Variants in CDK8 observed in about 807,000 individuals in gnomAD.
The protein encoded by CDK8 is cyclin dependent kinase 8, also known as cyclin-dependent kinase 8.
A neutral mutation model predicts 71.5 loss-of-function variants in CDK8; 29 were observed. The ratio of observed to expected loss-of-function variants is 0.41; its 90% CI spans 0.30 to 0.55. CDK8 has a LOEUF of 0.55. Ranked by LOEUF, CDK8 falls within the 20% of genes least tolerant of loss-of-function variation. The pLI is 0.37. For missense variants in CDK8, 288 were observed against 572.6 expected, an observed-to-expected ratio of 0.50 and a Z score of 5.07; for synonymous variants, 161 against 192.1, an observed-to-expected ratio of 0.84 and a Z score of 1.34.
intron 3 of CDK8, among the ~76,000 whole-genome samples, chr13:26,350,003 G>T (rs1009863928): frequency 1.3e-5 from 2 of 152,058 alleles, no homozygotes; most frequent in Non-Finnish European, 2.9e-5. Flanking sequence ...TGTCACAATT[G>T]CCTTCCTTAT....
intron 12 of CDK8, among the ~76,000 whole-genome samples, chr13:26,403,563 T>G (rs1288558924): frequency 6.6e-6 from 1 of 152,146 alleles, no homozygotes; most frequent in Admixed American, 6.5e-5. Flanking sequence ...GTCATGTGTG[T>G]GGGGGTGAGT....
intron 1 of CDK8, among the ~76,000 whole-genome samples, chr13:26,275,788 A>T (rs1312150042): frequency 2.6e-5 from 4 of 152,184 alleles, no homozygotes; most frequent in African/African-American, 9.6e-5. Flanking sequence ...GCTGTCTTAG[A>T]TATTCATGTT....
Position 26,404,866 on chromosome 13 carries a change from G to T in CDK8, c.*785G>T. 1 of 214,114 alleles carries T rather than the reference G, an allele frequency of 4.7e-6. No homozygotes were observed. The highest frequency in any genetic ancestry group is 9.4e-6 in the Non-Finnish European group (1 of 106,200). 13.3% of individuals were successfully genotyped at this position (214,114 alleles called of 1,614,324 possible). A position where few individuals can be genotyped will look rare whatever the true frequency, so the allele number is the denominator to read the frequency against. On this transcript the variant is annotated 3_prime_UTR_variant, in exon 13 of 13. Transcript: ENST00000381527. ...TCATAGACAGTGTTTTATTTTTCCTGTTGGTGTTGCTGATTTGTGAGCATG... is the reference window on the plus strand; with the variant it reads ...TCATAGACAGTGTTTTATTTTTCCTTTTGGTGTTGCTGATTTGTGAGCATG...
At chr13:26,305,854 T>C (rs1434743546) in intron 1 of CDK8, among the ~76,000 whole-genome samples, 1 of 152,212 alleles carries the variant, frequency 6.6e-6, no homozygotes, top group Non-Finnish European at 1.5e-5. Flanking sequence ...CTTTATCACA[T>C]TGAATATTGT....
chr13:26,390,394 T>C (rs982838335), intron 6 of CDK8, among the ~76,000 whole-genome samples: 1 of 152,222 alleles, frequency 6.6e-6, no homozygotes, highest in Non-Finnish European at 1.5e-5. Context: ...ATTGTAGTGC[T>C]GTGCTGGTTT....
intron 1 of CDK8, among the ~76,000 whole-genome samples, chr13:26,268,432 C>T (rs1872140892): frequency 6.6e-6 from 1 of 152,168 alleles, no homozygotes; most frequent in African/African-American, 2.4e-5. Context: ...TCTCCCACCT[C>T]AGCCTCCTGA....
At chr13:26,400,289 C>A (rs1004816951) in intron 9 of CDK8, 164 bp from the exon 10 acceptor site, 20 of 587,564 alleles carry the variant, frequency 3.4e-5, no homozygotes, top group Non-Finnish European at 5.5e-5. Context: ...GTGTGAATTA[C>A]TACATTAAAT....
chr13:26,369,073 C>T lies in CDK8; in HGVS notation c.457-13741C>T, dbSNP rs536621753. Among the ~76,000 whole-genome samples, 6 of 152,060 alleles carry T rather than the reference C, an allele frequency of 3.9e-5. No homozygotes were observed. In the South Asian group the frequency reaches 1.2e-3, roughly 32 times the overall value. Reference sequence around the variant, plus strand: ...GTTTTGTTATCATGATTTTATTAGCCTCAGAAGACGCTTTTAGTCTCTGGA... The same window carrying T: ...GTTTTGTTATCATGATTTTATTAGCTTCAGAAGACGCTTTTAGTCTCTGGA... On this transcript the variant is annotated intron_variant, in intron 4 of 12. Coordinates refer to ENST00000381527, the MANE Select transcript of CDK8 (RefSeq NM_001260.3).
At chr13:26,348,235 G>A (rs2137990330) in intron 2 of CDK8, among the ~76,000 whole-genome samples, 1 of 152,250 alleles carries the variant, frequency 6.6e-6, no homozygotes, top group African/African-American at 2.4e-5. Context: ...GATTCTTAGG[G>A]ACAGATAGTA....
At chr13:26,329,476 T>G (rs1238739759) in intron 1 of CDK8, among the ~76,000 whole-genome samples, 5 of 118,848 alleles carry the variant, frequency 4.2e-5, no homozygotes, top group African/African-American at 1.5e-4. Context: ...TCTGTTTTTT[T>G]TTTTTTGTTT....
At chr13:26,382,786 G>GA (rs755102897) in intron 4 of CDK8, 28 bp from the exon 5 acceptor site, 258 of 1,497,534 alleles carry the variant, frequency 1.7e-4, no homozygotes, top group South Asian at 2.9e-4. Flanking sequence ...ACTGTCTACT[G>GA]AAAAAAAACA....
intron 2 of CDK8, among the ~76,000 whole-genome samples, chr13:26,339,730 T>TA (rs60174555): frequency 1.5e-4 from 18 of 119,290 alleles, no homozygotes; most frequent in East Asian, 4.9e-4. Context: ...TTTATTTATT[T>TA]TATTTATATA....
At chr13:26,358,089 A>AT in intron 4 of CDK8, among the ~76,000 whole-genome samples, 1 of 151,826 alleles carries the variant, frequency 6.6e-6, no homozygotes, top group Middle Eastern at 3.4e-3. Flanking sequence ...AGGTCAGGAG[A>AT]TTGAGACCAT....
chr13:26,375,974 CA>C (rs1253809571), intron 4 of CDK8, among the ~76,000 whole-genome samples: 1 of 151,592 alleles, frequency 6.6e-6, no homozygotes, highest in Non-Finnish European at 1.5e-5. Flanking sequence ...GGGTTACTGC[CA>C]AAAAAGTAGG....
intron 1 of CDK8, among the ~76,000 whole-genome samples, chr13:26,293,601 CAAAAAAAA>C (rs56727160): frequency 1.9e-5 from 2 of 103,824 alleles, no homozygotes; most frequent in Admixed American, 9.9e-5. Flanking sequence ...GAGACTGTCT[CAAAAAAAA>C]AAAAAAAAAA....
intron 1 of CDK8, among the ~76,000 whole-genome samples, chr13:26,263,326 AG>A (rs1392344622): frequency 2.0e-4 from 31 of 152,060 alleles, no homozygotes; most frequent in African/African-American, 7.0e-4. Flanking sequence ...TAGTAGAGAC[AG>A]GGTTTCACCG....
intron 1 of CDK8, among the ~76,000 whole-genome samples, chr13:26,287,248 C>T (rs1593240114): frequency 6.6e-6 from 1 of 152,178 alleles, no homozygotes; most frequent in Non-Finnish European, 1.5e-5. Context: ...CTTAAATGCC[C>T]ATCAACAAAC....
At chr13:26,258,492 GGT>G (rs56993639) in intron 1 of CDK8, among the ~76,000 whole-genome samples, 8,083 of 147,204 alleles carry the variant, frequency 0.055, 248 homozygotes, top group South Asian at 0.072. Flanking sequence ...TATCTAGAGG[GGT>G]GTGTGTGTGT....
At chr13:26,339,747 TAAAA>T (rs759709011) in intron 2 of CDK8, among the ~76,000 whole-genome samples, 15 of 29,866 alleles carry the variant, frequency 5.0e-4, no homozygotes, top group Admixed American at 9.0e-4. Flanking sequence ...TATAATTACT[TAAAA>T]AAAAAATATA....
Sources: allele counts gnomAD v4.1 joint callset (sites outside exome capture counted in the v4.1 genomes callset), GRCh38; gene constraint gnomAD v4.1.1; transcripts MANE v1.5; gene names NCBI Gene and HGNC (gene_info 2026-07-23, HGNC 2026-07-21).